Variants in CPS1 observed in about 807,000 individuals in gnomAD.
CPS1 encodes carbamoyl-phosphate synthase [ammonia], mitochondrial.
A neutral mutation model predicts 174.6 loss-of-function variants in CPS1; 109 were observed. The ratio of observed to expected loss-of-function variants is 0.62; its 90% confidence interval spans 0.53 to 0.73. CPS1 has a LOEUF of 0.73. Among genes scored for constraint, CPS1 ranks in the 30% least tolerant of loss-of-function variants. The pLI is 0.00. For synonymous variants in CPS1, 637 were observed against 632.0 expected, an observed-to-expected ratio of 1.01 and a Z score of -0.12; for missense variants, 1,689 against 1,821.9, an observed-to-expected ratio of 0.93 and a Z score of 1.33.
chr2:210,555,511 A>G (rs1696885105), upstream of CPS1: 1 of 401,676 alleles, frequency 2.5e-6, no homozygotes, highest in South Asian at 1.9e-5. Flanking sequence ...ACTTGAATAT[A>G]TTAAGTAAGC....
At chr2:210,647,632 C>T (rs560405115) in intron 25 of CPS1, among the ~76,000 whole-genome samples, 1 of 152,286 alleles carries the variant, frequency 6.6e-6, no homozygotes, top group South Asian at 2.1e-4. Context: ...ATGTGAGTGT[C>T]ACAAATGATA....
intron 1 of CPS1, among the ~76,000 whole-genome samples, chr2:210,478,490 T>C (rs1237693075): frequency 6.6e-6 from 1 of 152,234 alleles, no homozygotes; most frequent in Admixed American, 6.5e-5. Context: ...GTTTTGTTTC[T>C]TTTTTTCCCG....
chr2:210,479,064 T>A (rs942573990), intron 1 of CPS1, among the ~76,000 whole-genome samples: 6 of 152,086 alleles, frequency 3.9e-5, no homozygotes, highest in Admixed American at 3.9e-4. Flanking sequence ...TTTGTATTTA[T>A]CTACTCAGGC....
intron 1 of CPS1, among the ~76,000 whole-genome samples, chr2:210,480,372 C>T (rs1574454857): frequency 6.6e-6 from 1 of 152,166 alleles, no homozygotes; most frequent in African/African-American, 2.4e-5. Context: ...TGTTCAGCTA[C>T]AATGAAAGAA....
intron 21 of CPS1, among the ~76,000 whole-genome samples, 200 bp from the exon 22 acceptor site, chr2:210,637,502 T>C (rs181401781): frequency 6.6e-6 from 1 of 152,256 alleles, no homozygotes; most frequent in East Asian, 1.9e-4. Flanking sequence ...TCAGAGATTG[T>C]CAGCTTTGCA....
Position 210,579,758 on chromosome 2 carries a change from A to C in CPS1, c.516A>C (p.Ile172=). The change falls in exon 5 of 38, where the codon ATA becomes ATC. Residue 172 remains isoleucine, a synonymous_variant. Coordinates refer to ENST00000233072, the MANE Select transcript of CPS1 (RefSeq NM_001875.5). ...YGVDTRMLTK[I]IRDKGTMLGK... ...TGGACACAAGAATGCTGACTAAAAT[A>C]ATTCGGGATAAGGTATAATCATCAT... 6.2e-7 allele frequency: 1 copy of C among 1,612,672 alleles called. No homozygotes were observed. Among genetic ancestry groups the C allele is most frequent in the Non-Finnish European group, 8.5e-7 (1 of 1,179,450 alleles).
chr2:210,624,425 T>C (rs1026910745), intron 21 of CPS1, among the ~76,000 whole-genome samples: 1 of 152,134 alleles, frequency 6.6e-6, no homozygotes, highest in South Asian at 2.1e-4. Flanking sequence ...ATTTATATAA[T>C]GAACCTCTTC....
At chr2:210,502,780 G>A (rs1181809159) in intron 1 of CPS1, among the ~76,000 whole-genome samples, 1 of 151,970 alleles carries the variant, frequency 6.6e-6, no homozygotes, top group Admixed American at 6.6e-5. Context: ...TTGAGTGAGG[G>A]GTTCAGTTCC....
chr2:210,589,082 A>C (rs1698201694), intron 7 of CPS1, among the ~76,000 whole-genome samples: 2 of 152,046 alleles, frequency 1.3e-5, no homozygotes, highest in Non-Finnish European at 2.9e-5. Flanking sequence ...AGAAAAAGCC[A>C]GTGTTTAACC....
intron 1 of CPS1, among the ~76,000 whole-genome samples, chr2:210,480,526 A>G (rs1378387739): frequency 6.6e-6 from 1 of 152,110 alleles, no homozygotes; most frequent in Non-Finnish European, 1.5e-5. Context: ...CCTAGCAACC[A>G]TGCCTTCTCT....
chr2:210,612,029 A>G lies in CPS1; in HGVS notation c.2392-88A>G, dbSNP rs907628615. 33 of 1,205,116 alleles carry G rather than the reference A, an allele frequency of 2.7e-5. No homozygotes were observed. In the African/African-American group the frequency reaches 3.5e-4, roughly 13 times the overall value. 74.7% of individuals were successfully genotyped at this position (1,205,116 alleles called of 1,614,324 possible). On this transcript the variant is annotated intron_variant, in intron 19 of 37. Coordinates refer to ENST00000233072, the MANE Select transcript of CPS1 (RefSeq NM_001875.5). Reference sequence around the variant, plus strand: ...TATATTTTTTGTTCTTATTTGTTTTATAAAATATATTTTACGTCCAGTTCA... The same window carrying G: ...TATATTTTTTGTTCTTATTTGTTTTGTAAAATATATTTTACGTCCAGTTCA...
chr2:210,673,888 G>A (rs1701410738), intron 34 of CPS1: 1 of 151,794 alleles, frequency 6.6e-6, no homozygotes, highest in Non-Finnish European at 1.5e-5. Flanking sequence ...AAGGTGTGGA[G>A]CCTCAAAAAA....
At chr2:210,512,641 A>C (rs1440603605) in intron 1 of CPS1, among the ~76,000 whole-genome samples, 2 of 149,516 alleles carry the variant, frequency 1.3e-5, no homozygotes, top group Non-Finnish European at 3.0e-5. Flanking sequence ...TATCTTTGCT[A>C]TTCTGAAGAG....
At chr2:210,564,627 C>T (rs529394771) in intron 1 of CPS1, among the ~76,000 whole-genome samples, 28 of 152,250 alleles carry the variant, frequency 1.8e-4, no homozygotes, top group Non-Finnish European at 2.6e-4. Flanking sequence ...CCGCCCGCCT[C>T]GGCCTCCCAA....
intron 31 of CPS1, among the ~76,000 whole-genome samples, chr2:210,659,745 A>G (rs550756453): frequency 6.6e-6 from 1 of 152,354 alleles, no homozygotes; most frequent in East Asian, 1.9e-4. Flanking sequence ...ACTATAAAGT[A>G]GAGTATCACA....
chr2:210,607,172 C>T (rs1038774162), intron 18 of CPS1, among the ~76,000 whole-genome samples: 2 of 151,914 alleles, frequency 1.3e-5, no homozygotes, highest in African/African-American at 4.8e-5. Context: ...CTAAACGAAT[C>T]AAAATCTAGG....
intron 21 of CPS1, among the ~76,000 whole-genome samples, chr2:210,617,270 T>C (rs1377509233): frequency 6.6e-6 from 1 of 152,028 alleles, no homozygotes; most frequent in Non-Finnish European, 1.5e-5. Flanking sequence ...GGAGCATTTA[T>C]TAGCAGATTA....
In CPS1 at chr2:210,477,910, A is replaced by G. The variant is rs1362172642; in HGVS notation, c.3+144A>G. ...AAGGCTATCCATTTATCCCACTCAC[A>G]GTCTTTAAGCAATTAAATATTACTG... On this transcript the variant is annotated intron_variant, in intron 1 of 38. Coordinates refer to the CPS1 transcript ENST00000430249. The G allele has an allele frequency of 3.3e-6, 3 of 904,242 alleles. No homozygotes were observed. In the East Asian group the frequency reaches 7.9e-5, roughly 24 times the overall value. The allele number at this position is 904,242 out of a possible 1,614,324, so 56.0% of individuals were successfully genotyped here.
Position 210,573,333 on chromosome 2 carries a change from T to C in CPS1, c.162T>C (p.Thr54=). The C allele has an allele frequency of 6.2e-7, 1 of 1,613,254 alleles. No individual in the cohort carries two copies. The part of the protein sequence containing the change: ...QTAHIVLEDG[T]KMKGYSFGHP... ...CACACATTGTCCTGGAAGATGGAAC[T>C]AAGATGAAAGGTTACTCCTTTGGCC... is the stretch of plus-strand genomic sequence containing the variant. Residue 54 remains threonine (T), a synonymous_variant, in exon 2 of 38, where the codon ACT becomes ACC. Coordinates refer to ENST00000233072, the MANE Select transcript of CPS1 (RefSeq NM_001875.5).
Sources: allele counts gnomAD v4.1 joint callset (sites outside exome capture counted in the v4.1 genomes callset), GRCh38; gene constraint gnomAD v4.1.1; transcripts MANE v1.5; gene names NCBI Gene and HGNC (gene_info 2026-07-23, HGNC 2026-07-21).